TLK2: variants seen among roughly 807,000 people sequenced by gnomAD.
TLK2 encodes the protein tousled like kinase 2.
A neutral mutation model predicts 117.3 loss-of-function variants in TLK2; 6 were observed. That is an observed-to-expected ratio of 0.05 (90% CI 0.03 to 0.10). The LOEUF (loss-of-function observed/expected upper bound fraction) is 0.10, where lower values mean the gene tolerates loss of function less well. TLK2 is among the 10% of genes least tolerant of loss of function. The probability of loss-of-function intolerance (pLI) is 1.00; values close to 1 mark genes in which losing one functional copy is unlikely to be tolerated. For synonymous variants in TLK2, 257 were observed against 316.7 expected (o/e 0.81, Z 2.00); for missense variants, 299 against 901.2 (o/e 0.33, Z 8.56).
chr17:62,609,481 G>A (rs1031982468), intron 21 of TLK2, among the ~76,000 whole-genome samples: 2 of 152,180 alleles, frequency 1.3e-5, no homozygotes, highest in African/African-American at 2.4e-5. Flanking sequence ...TTTTCCAAGT[G>A]GTTTAGCTGC....
intron 2 of TLK2, among the ~76,000 whole-genome samples, chr17:62,490,150 C>T (rs561970938): frequency 8.0e-4 from 122 of 152,318 alleles, no homozygotes; most frequent in Non-Finnish European, 1.4e-3. Context: ...TATTCTCAGC[C>T]GTTATCTTGT....
intron 2 of TLK2, among the ~76,000 whole-genome samples, chr17:62,510,963 A>G (rs1270032303): frequency 3.9e-5 from 6 of 152,212 alleles, no homozygotes; most frequent in African/African-American, 1.2e-4. Flanking sequence ...AACTTTAGAA[A>G]AATCTTTTTT....
intron 6 of TLK2, among the ~76,000 whole-genome samples, chr17:62,535,577 G>A (rs1422232131): frequency 4.0e-5 from 6 of 151,862 alleles, no homozygotes; most frequent in African/African-American, 1.5e-4. Context: ...GACCAGCCTG[G>A]CCAACATGGT....
At chr17:62,475,020 T>C (rs1209967706), upstream of TLK2, among the ~76,000 whole-genome samples, 1 of 152,176 alleles carries the variant, frequency 6.6e-6, no homozygotes, top group Non-Finnish European at 1.5e-5. Flanking sequence ...CACTCCATCC[T>C]GGGCGATAGA....
intron 16 of TLK2, among the ~76,000 whole-genome samples, chr17:62,593,172 C>A (rs2082203720): frequency 6.6e-6 from 1 of 152,120 alleles, no homozygotes; most frequent in Non-Finnish European, 1.5e-5. Flanking sequence ...CTAAGCATAT[C>A]TAAGCATAGA....
At chr17:62,529,899 A>G (rs2076622999) in intron 6 of TLK2, among the ~76,000 whole-genome samples, 1 of 151,818 alleles carries the variant, frequency 6.6e-6, no homozygotes, top group Non-Finnish European at 1.5e-5. Context: ...TTTCTCTTAG[A>G]AAGTACCACA....
intron 16 of TLK2, among the ~76,000 whole-genome samples, chr17:62,587,705 G>A (rs1312198179): frequency 1.3e-5 from 2 of 152,158 alleles, no homozygotes; most frequent in East Asian, 3.9e-4. Flanking sequence ...GGCAGCTGCA[G>A]TCCAGATGCT....
At chr17:62,545,692 C>CTTGTTGTTG (rs201939423) in intron 7 of TLK2, among the ~76,000 whole-genome samples, 1 of 151,914 alleles carries the variant, frequency 6.6e-6, no homozygotes, top group East Asian at 1.9e-4. Flanking sequence ...CAAAGTTCCT[C>CTTGTTGTTG]TTGTTGTTGT....
chr17:62,513,080 A>G (rs984940467), intron 2 of TLK2, among the ~76,000 whole-genome samples: 1 of 150,990 alleles, frequency 6.6e-6, no homozygotes, highest in African/African-American at 2.4e-5. Context: ...GGGTTTCACA[A>G]TGTTGGCCAG....
chr17:62,497,078 GA>G (rs2073771045), intron 2 of TLK2, among the ~76,000 whole-genome samples: 1 of 151,908 alleles, frequency 6.6e-6, no homozygotes, highest in African/African-American at 2.4e-5. Context: ...GCAAAGTGGT[GA>G]AACCCCATCT....
intron 2 of TLK2, among the ~76,000 whole-genome samples, chr17:62,485,531 A>C (rs991289154): frequency 3.3e-5 from 5 of 152,034 alleles, no homozygotes; most frequent in Non-Finnish European, 5.9e-5. Flanking sequence ...ATTTTCTTGC[A>C]TAGTGTGTTT....
intron 12 of TLK2, 33 bp downstream of exon 12, chr17:62,573,400 C>T: frequency 1.2e-6 from 2 of 1,601,016 alleles, no homozygotes; most frequent in East Asian, 2.2e-5. Flanking sequence ...CGCTGAGACA[C>T]CACACCCTGC....
intron 16 of TLK2, among the ~76,000 whole-genome samples, chr17:62,594,949 G>T (rs1388953288): frequency 6.6e-6 from 1 of 152,170 alleles, no homozygotes; most frequent in Non-Finnish European, 1.5e-5. Flanking sequence ...CACATGGACA[G>T]TGGTGCCGAC....
chr17:62,573,517 TA>T lies in TLK2; in HGVS notation c.1121+153del, dbSNP rs560860415. 408 of 1,085,752 alleles carry T rather than the reference TA, an allele frequency of 3.8e-4. 3 individuals carry two copies. In the East Asian group the frequency reaches 0.011, roughly 29 times the overall value. The allele number at this position is 1,085,752 out of a possible 1,614,324, so 67.3% of individuals were successfully genotyped here. ...CATTAATGGATTTGCTCAACTCATA[TA>T]AATGCCATATAAAATTAATTGATTT... is the stretch of plus-strand genomic sequence containing the variant. On this transcript the variant is annotated intron_variant, in intron 12 of 21. Coordinates refer to ENST00000346027, the MANE Select transcript of TLK2 (RefSeq NM_006852.6).
intron 12 of TLK2, among the ~76,000 whole-genome samples, chr17:62,573,837 C>T (rs2080521474): frequency 6.6e-6 from 1 of 152,174 alleles, no homozygotes; most frequent in Non-Finnish European, 1.5e-5. Flanking sequence ...AGGACATTGT[C>T]CCAATAAGCC....
rs1451447003 is a variant in TLK2 at position 62,598,358 on chromosome 17, G to A, written c.1550+1684G>A. On this transcript the variant is annotated intron_variant, in intron 17 of 21. Transcript: ENST00000346027. The stretch of plus-strand genomic sequence containing the variant: ...ACTTTTAACTAATGTGAGAAATTGA[G>A]TTGGTTCTATACTATTCTTGAGTTG... 4.6e-5 allele frequency among the ~76,000 whole-genome samples: 7 copies of A among 152,266 alleles called. No homozygotes were observed. The East Asian group carries it at 1.2e-3, about 25-fold the overall frequency.
At chr17:62,542,336 G>T (rs1231008968) in intron 7 of TLK2, among the ~76,000 whole-genome samples, 5 of 152,148 alleles carry the variant, frequency 3.3e-5, no homozygotes, top group Non-Finnish European at 7.3e-5. Flanking sequence ...GCCTAGGCTG[G>T]TCTTGAACCA....
At chr17:62,537,911 G>C (rs909681124) in intron 7 of TLK2, among the ~76,000 whole-genome samples, 25 of 151,870 alleles carry the variant, frequency 1.6e-4, no homozygotes, top group African/African-American at 6.1e-4. Flanking sequence ...ACTGACAGCA[G>C]TATGGAATAG....
At chr17:62,562,264 G>A (rs1210771450) in intron 10 of TLK2, among the ~76,000 whole-genome samples, 1 of 152,150 alleles carries the variant, frequency 6.6e-6, no homozygotes, top group Non-Finnish European at 1.5e-5. Flanking sequence ...GGAGGCTGAG[G>A]CACGAGAATC....
Sources: allele counts gnomAD v4.1 joint callset (sites outside exome capture counted in the v4.1 genomes callset), GRCh38; gene constraint gnomAD v4.1.1; transcripts MANE v1.5; gene names NCBI Gene and HGNC (gene_info 2026-07-23, HGNC 2026-07-21).